Variants in USP13 observed in about 807,000 individuals in gnomAD.
The protein encoded by USP13 is ubiquitin specific peptidase 13.
A neutral mutation model predicts 107.8 loss-of-function variants in USP13; 68 were observed. The ratio of observed to expected loss-of-function variants is 0.63; its 90% confidence interval spans 0.52 to 0.77. The LOEUF is 0.77. Among genes scored for constraint, USP13 ranks in the 30% least tolerant of loss-of-function variants. The pLI, the probability that USP13 is intolerant of heterozygous loss-of-function variation, is 0.00. For synonymous variants in USP13, 377 were observed against 389.5 expected, an observed-to-expected ratio of 0.97 and a Z score of 0.38; for missense variants, 945 against 1,093.3, an observed-to-expected ratio of 0.86 and a Z score of 1.91.
At chr3:179,726,558 A>G (rs1386876442) in intron 8 of USP13, among the ~76,000 whole-genome samples, 1 of 152,168 alleles carries the variant, frequency 6.6e-6, no homozygotes, top group East Asian at 1.9e-4. Flanking sequence ...GCTTGCCAGG[A>G]GGGATTATAG....
chr3:179,738,665 C>T (rs1413218890), intron 10 of USP13, among the ~76,000 whole-genome samples: 2 of 152,178 alleles, frequency 1.3e-5, no homozygotes, highest in East Asian at 3.9e-4. Context: ...GATGTGGAAT[C>T]TTCCTACCTG....
chr3:179,740,665 T>C (rs1714160508), intron 11 of USP13, among the ~76,000 whole-genome samples: 1 of 152,208 alleles, frequency 6.6e-6, no homozygotes, highest in Admixed American at 6.5e-5. Context: ...TTTTCTGGTC[T>C]TTGTGACAAA....
At chr3:179,714,838 C>G (rs1270995183) in intron 6 of USP13, among the ~76,000 whole-genome samples, 3 of 151,060 alleles carry the variant, frequency 2.0e-5, no homozygotes, top group Admixed American at 6.6e-5. Flanking sequence ...TAGGTTTTGT[C>G]TGTCCTGGCG....
chr3:179,773,131 G>T (rs1357925091), intron 19 of USP13, among the ~76,000 whole-genome samples: 3 of 152,208 alleles, frequency 2.0e-5, no homozygotes, highest in African/African-American at 7.2e-5. Flanking sequence ...AGGTGTTTGG[G>T]TCATGGGAGT....
chr3:179,711,678 C>T (rs576076843), intron 6 of USP13, among the ~76,000 whole-genome samples: 2 of 152,308 alleles, frequency 1.3e-5, no homozygotes, highest in East Asian at 1.9e-4. Flanking sequence ...GGTTGTCCCA[C>T]TGGAAAGTCT....
chr3:179,726,933 C>T (rs907121494), intron 8 of USP13, among the ~76,000 whole-genome samples: 13 of 152,082 alleles, frequency 8.5e-5, no homozygotes, highest in African/African-American at 2.9e-4. Context: ...CGCCCCTCGG[C>T]TTCCAAAAGT....
At chr3:179,654,835 A>G (rs1720204472) in intron 1 of USP13, among the ~76,000 whole-genome samples, 2 of 152,210 alleles carry the variant, frequency 1.3e-5, no homozygotes, top group South Asian at 4.1e-4. Context: ...ACACTGGAGT[A>G]TCAGAGTTAG....
chr3:179,751,156 A>T (rs1261076918), intron 13 of USP13, among the ~76,000 whole-genome samples: 1 of 152,214 alleles, frequency 6.6e-6, no homozygotes, highest in Non-Finnish European at 1.5e-5. Context: ...GTTAAAAACA[A>T]AATGATAAAT....
In USP13 at chr3:179,742,188, A is replaced by G; in HGVS notation, c.1381-9A>G. 6.2e-7 allele frequency: 1 copy of G among 1,614,168 alleles called. No individual in the cohort carries two copies. ...TACATTTACTAACCTGATACAATCC[A>G]TCCTTCAGAGGAACCGCATCGGCTC... On this transcript the variant is annotated splice_polypyrimidine_tract_variant and intron_variant, in intron 11 of 20. Transcript: ENST00000263966. This position sits in a 1 kb window ranked among gnomAD's most constrained non-coding sequence, Gnocchi z 5.0.
intron 14 of USP13, among the ~76,000 whole-genome samples, chr3:179,753,197 A>G (rs1287815211): frequency 1.3e-5 from 2 of 152,188 alleles, no homozygotes; most frequent in African/African-American, 2.4e-5. Flanking sequence ...TTAACTAAGC[A>G]CTCGTCTGAA....
intron 3 of USP13, among the ~76,000 whole-genome samples, chr3:179,698,814 G>A (rs1712404739): frequency 6.6e-6 from 1 of 151,090 alleles, no homozygotes; most frequent in Admixed American, 6.6e-5. Flanking sequence ...AACATTTTCT[G>A]TTCCTACATA....
chr3:179,667,867 C>T (rs186671177), intron 1 of USP13, among the ~76,000 whole-genome samples: 5 of 152,240 alleles, frequency 3.3e-5, no homozygotes, highest in African/African-American at 4.8e-5. Context: ...AGGCTGGTCT[C>T]GAATTCCTGA....
intron 1 of USP13, among the ~76,000 whole-genome samples, chr3:179,659,357 TCACATGTATATAGAG>T (rs1414685323): frequency 6.6e-6 from 1 of 152,166 alleles, no homozygotes; most frequent in East Asian, 1.9e-4. Flanking sequence ...TAATGACATC[TCACATGTATATAGAG>T]CAGTTTTCAA....
At chr3:179,696,858 T>C (rs1357138488) in intron 3 of USP13, among the ~76,000 whole-genome samples, 1 of 152,220 alleles carries the variant, frequency 6.6e-6, no homozygotes, top group East Asian at 1.9e-4. Flanking sequence ...AAATACCCTA[T>C]GGCTCATAAT....
chr3:179,657,762 CAAAAAAAAA>C (rs35377039), intron 1 of USP13, among the ~76,000 whole-genome samples: 3 of 73,832 alleles, frequency 4.1e-5, no homozygotes, highest in East Asian at 9.0e-4. Flanking sequence ...AATTCCGTCT[CAAAAAAAAA>C]AAAAAAAAAA....
Position 179,730,205 on chromosome 3 carries a change from C to T in USP13, c.1105C>T (p.Pro369Ser), listed in dbSNP as rs1713750279. The T allele has an allele frequency of 2.5e-6, 4 of 1,613,572 alleles. No homozygotes were observed. The East Asian group carries it at 8.9e-5, about 36-fold the overall frequency. ...EFQRAYVGNL[P>S]RIFDYSPLDP... is the part of the protein sequence containing the mutation. ...ATTTTCTAGGTATGTAGGAAACCTT[C>T]CCAGAATATTTGACTACTCGCCTTT... Residue 369 changes from proline to serine, a missense_variant, in exon 9 of 21, where the codon CCC becomes TCC. Physicochemically the swap from Pro to Ser is moderately conservative, Grantham distance 74. Coordinates refer to ENST00000263966, the MANE Select transcript of USP13 (RefSeq NM_003940.3).
chr3:179,681,649 G>A (rs995851596), intron 1 of USP13, among the ~76,000 whole-genome samples: 2 of 151,854 alleles, frequency 1.3e-5, no homozygotes, highest in African/African-American at 4.8e-5. Context: ...TAAGGGAGGG[G>A]GGTGAAAGGG....
chr3:179,732,875 A>G (rs962094803), intron 10 of USP13, among the ~76,000 whole-genome samples: 8 of 152,090 alleles, frequency 5.3e-5, no homozygotes, highest in African/African-American at 1.7e-4. Flanking sequence ...TTACATCTCC[A>G]GGGTCTGAGG....
At chr3:179,743,777 TTGAC>T (rs1050363693) in intron 12 of USP13, among the ~76,000 whole-genome samples, 1 of 152,134 alleles carries the variant, frequency 6.6e-6, no homozygotes, top group African/African-American at 2.4e-5. Context: ...TCTCTGGAAT[TTGAC>T]TGTTGGGAAC....
Sources: allele counts gnomAD v4.1 joint callset (sites outside exome capture counted in the v4.1 genomes callset), GRCh38; gene constraint gnomAD v4.1.1; non-coding constraint Gnocchi (gnomAD v3.1); transcripts MANE v1.5; gene names NCBI Gene and HGNC (gene_info 2026-07-23, HGNC 2026-07-21).